Variants in SLC5A9 observed in about 807,000 individuals in gnomAD.
The protein encoded by SLC5A9 is sodium/glucose cotransporter 4.
SLC5A9 carries 59 observed loss-of-function variants against 70.9 expected under a neutral mutation model. The observed-to-expected ratio is 0.83, with a 90% CI of 0.68 to 1.03. The LOEUF is 1.03. Among genes scored for constraint, SLC5A9 ranks in the 50% least tolerant of loss-of-function variants. The probability of loss-of-function intolerance (pLI) is 0.00; values close to 1 mark genes in which losing one functional copy is unlikely to be tolerated. For missense variants in SLC5A9, 832 were observed against 881.1 expected, an observed-to-expected ratio of 0.94 and a Z score of 0.71; for synonymous variants, 340 against 346.5, an observed-to-expected ratio of 0.98 and a Z score of 0.21.
chr1:48,229,320 G>A lies in SLC5A9; in HGVS notation c.365G>A (p.Gly122Asp). 1.2e-6 allele frequency: 2 copies of A among 1,614,150 alleles called. No individual in the cohort carries two copies. The highest frequency in any genetic ancestry group is 2.2e-5 in the South Asian group (2 of 91,072). The change falls in exon 4 of 14, where the codon GGC (glycine) becomes GAC (aspartate). Residue 122 changes from glycine (G) to aspartate (D), a missense_variant. Physicochemically the swap from Gly to Asp is moderately conservative, Grantham distance 94 (BLOSUM62 -1). Coordinates refer to ENST00000438567, the MANE Select transcript of SLC5A9 (RefSeq NM_001011547.3). ...WNATWLLLAL[G>D]WVFVPVYIAA... Reference sequence around the variant, plus strand: ...GCAACCTGGCTGCTCCTGGCCCTTGGCTGGGTCTTCGTCCCTGTGTACATC... The same window carrying A: ...GCAACCTGGCTGCTCCTGGCCCTTGACTGGGTCTTCGTCCCTGTGTACATC...
In SLC5A9 at chr1:48,229,457, T is replaced by C. The variant is rs756129706; in HGVS notation, c.502T>C (p.Ser168Pro). 6.2e-7 allele frequency: 1 copy of C among 1,614,008 alleles called. No individual in the cohort carries two copies. Among genetic ancestry groups the C allele is most frequent in the Non-Finnish European group, 8.5e-7 (1 of 1,179,912 alleles). Residue 168 changes from serine to proline, a missense_variant and splice_region_variant, in exon 4 of 14, where the codon TCG becomes CCG. By Grantham distance (74) the Ser-to-Pro change is moderately conservative. Coordinates refer to ENST00000438567, the MANE Select transcript of SLC5A9 (RefSeq NM_001011547.3). ...SLILYIFTKI[S>P]TDIFSGALFI... ...CATCCTCTACATCTTCACCAAGATC[T>C]CGGTAGGTGTCACTGCAATGTGGTC...
intron 9 of SLC5A9, among the ~76,000 whole-genome samples, chr1:48,234,483 G>C (rs1644300071): frequency 6.6e-6 from 1 of 152,166 alleles, no homozygotes; most frequent in Non-Finnish European, 1.5e-5. Context: ...TCCATGGGGA[G>C]TTTGCAGTGG....
intron 7 of SLC5A9, 93 bp from the exon 8 acceptor site, chr1:48,232,274 A>T: frequency 1.9e-6 from 3 of 1,561,530 alleles, no homozygotes; most frequent in Non-Finnish European, 2.6e-6. Flanking sequence ...GGACTGGAGT[A>T]GGGACACAGT....
Position 48,237,847 on chromosome 1 carries a change from C to A in SLC5A9, c.1461C>A (p.Pro487=), listed in dbSNP as rs371690305. The A allele has an allele frequency of 1.2e-6, 2 of 1,613,964 alleles. No homozygotes were observed. The highest frequency in any genetic ancestry group is 1.7e-6 in the Non-Finnish European group (2 of 1,179,950). The change falls in exon 11 of 14, where the codon CCC becomes CCA. Residue 487 remains proline, a splice_region_variant and synonymous_variant. Coordinates refer to ENST00000438567, the MANE Select transcript of SLC5A9 (RefSeq NM_001011547.3). ...TCTTCTGCAAGAGGGTCACAGAGCC[C>A]GTGAGTGCAGTGTACCTGTCTCTCA... The part of the protein sequence containing the change: ...LAIFCKRVTE[P]GAFWGLVFGL...
At position 48,237,728 on chromosome 1, in the gene SLC5A9, ATCCAAAGC is replaced by A; in HGVS notation, c.1348_1355del (p.Ser450GlnfsTer105). 1 of 1,614,016 alleles carries A rather than the reference ATCCAAAGC, an allele frequency of 6.2e-7. No individual in the cohort carries two copies. Among genetic ancestry groups the A allele is most frequent in the Middle Eastern group, 1.6e-4 (1 of 6,062 alleles). On this transcript the variant is annotated frameshift_variant, in exon 11 of 14. Coordinates refer to ENST00000438567, the MANE Select transcript of SLC5A9 (RefSeq NM_001011547.3). LOFTEE classifies it high-confidence loss of function. ...CATCAGCATCCTCTGGATCCCCATC[ATCCAAAGC>A]TCCAACAGTGGGCAGCTCTTCGACT...
At chr1:48,237,937 C>T (rs2148582548) in intron 11 of SLC5A9, 90 bp downstream of exon 11, 1 of 1,361,376 alleles carries the variant, frequency 7.3e-7, no homozygotes, top group South Asian at 1.4e-5. Flanking sequence ...TTGAGAAAAT[C>T]CACTTCCCCT....
rs767603320 is a variant in SLC5A9 at position 48,232,465 on chromosome 1, C to T, written c.996C>T (p.Ile332=). The part of the protein sequence containing the change: ...GYLKILPMFF[I]VMPGMISRAL... Reference sequence around the variant, plus strand: ...TGAAGATCCTCCCCATGTTCTTCATCGTCATGCCTGGCATGATCAGCCGGG... The same window carrying T: ...TGAAGATCCTCCCCATGTTCTTCATTGTCATGCCTGGCATGATCAGCCGGG... The change falls in exon 8 of 14, where the codon ATC becomes ATT. Residue 332 remains isoleucine (I), a synonymous_variant. Coordinates refer to ENST00000438567, the MANE Select transcript of SLC5A9 (RefSeq NM_001011547.3). The T allele has an allele frequency of 2.5e-6, 4 of 1,614,184 alleles. No homozygotes were observed. The South Asian group carries it at 3.3e-5, about 13-fold the overall frequency.
At position 48,232,058 on chromosome 1, in the gene SLC5A9, C is replaced by T; in HGVS notation, c.804C>T (p.His268=). The change falls in exon 7 of 14, where the codon CAC becomes CAT. Residue 268 remains histidine (H), a synonymous_variant. Transcript: ENST00000438567. ...TCHLPRPDAF[H]ILRDPVSGDI... ...ACCTCCCACGGCCCGATGCTTTCCA[C>T]ATTCTTCGGGACCCTGTGAGCGGGG... The T allele has an allele frequency of 1.2e-6, 2 of 1,614,174 alleles. No individual in the cohort carries two copies. Among genetic ancestry groups the T allele is most frequent in the Middle Eastern group, 3.3e-4 (2 of 6,062 alleles).
At position 48,224,777 on chromosome 1, in the gene SLC5A9, G is replaced by A. The variant is rs376518317; in HGVS notation, c.216G>A (p.Arg72=). The change falls in exon 2 of 14, where the codon AGG becomes AGA. Residue 72 remains arginine, a synonymous_variant. Coordinates refer to ENST00000438567, the MANE Select transcript of SLC5A9 (RefSeq NM_001011547.3). ...GTIGGYFLAG[R]SMSWWPIGAS... is the part of the protein sequence containing the mutation. ...TTGGCGGCTATTTCCTGGCCGGGAG[G>A]TCCATGAGCTGGTGGCCAGTGAGTT... 6.2e-7 allele frequency: 1 copy of A among 1,614,058 alleles called. No homozygotes were observed. The highest frequency in any genetic ancestry group is 1.1e-5 in the South Asian group (1 of 91,088).
intron 6 of SLC5A9, 100 bp downstream of exon 6, chr1:48,231,725 G>T: frequency 1.3e-6 from 2 of 1,531,618 alleles, no homozygotes; most frequent in Non-Finnish European, 1.8e-6. Context: ...CCAGTGCATA[G>T]AGCCATGTGA....
At chr1:48,237,644 G>A (rs375953259) in intron 10 of SLC5A9, 35 bp from the exon 11 acceptor site, 70 of 1,606,486 alleles carry the variant, frequency 4.4e-5, no homozygotes, top group Non-Finnish European at 5.8e-5. Context: ...ATGCCCACCC[G>A]AGTGTGCCTC....
At chr1:48,233,239 T>G (rs1644278939) in intron 8 of SLC5A9, among the ~76,000 whole-genome samples, 1 of 151,310 alleles carries the variant, frequency 6.6e-6, no homozygotes, top group Non-Finnish European at 1.5e-5. Context: ...CACATGCCTG[T>G]AATCCCAGCT....
At chr1:48,229,570 A>G (rs998764538) in intron 4 of SLC5A9, 111 bp downstream of exon 4, 68 of 1,528,318 alleles carry the variant, frequency 4.4e-5, no homozygotes, top group Non-Finnish European at 1.6e-5. Context: ...ACTGTTGAAA[A>G]AAAGGAAAGC....
Position 48,232,369 on chromosome 1 carries a change from C to G in SLC5A9, c.900C>G (p.Val300=). The change falls in exon 8 of 14, where the codon GTC becomes GTG. Residue 300 remains valine (V), a splice_region_variant and synonymous_variant. Transcript: ENST00000438567. ...CTCCTCATTTGCTGCCCTTTCAGGT[C>G]ATTGTGCAGCGGTCTCTCTCGGCCA... The part of the protein sequence containing the change: ...LATWCWCTDQ[V]IVQRSLSAKS... 6.2e-7 allele frequency: 1 copy of G among 1,614,088 alleles called. No individual in the cohort carries two copies. The highest frequency in any genetic ancestry group is 8.5e-7 in the Non-Finnish European group (1 of 1,179,982).
At position 48,232,454 on chromosome 1, in the gene SLC5A9, A is replaced by C. The variant is rs1429691878; in HGVS notation, c.985A>C (p.Met329Leu). ...GGGGGGCTACCTGAAGATCCTCCCC[A>C]TGTTCTTCATCGTCATGCCTGGCAT... ...VLGGYLKILP[M>L]FFIVMPGMIS... Residue 329 changes from methionine (M) to leucine (L), a missense_variant, in exon 8 of 14, where the codon ATG becomes CTG. Transcript: ENST00000438567. 6.2e-7 allele frequency: 1 copy of C among 1,614,138 alleles called. No homozygotes were observed. Among genetic ancestry groups the C allele is most frequent in the East Asian group, 2.2e-5 (1 of 44,868 alleles).
At chr1:48,228,815 T>C (rs2148567704) in intron 2 of SLC5A9, 35 bp from the exon 3 acceptor site, 4 of 1,612,138 alleles carry the variant, frequency 2.5e-6, no homozygotes, top group Non-Finnish European at 2.5e-6. Flanking sequence ...AGATCACTCC[T>C]GACTCCTGAC....
intron 13 of SLC5A9, among the ~76,000 whole-genome samples, chr1:48,243,264 G>A (rs1328720085): frequency 6.6e-6 from 1 of 152,130 alleles, no homozygotes; most frequent in Non-Finnish European, 1.5e-5. Context: ...TGGGATGAGA[G>A]CAGCCATGCC....
At chr1:48,229,666 GCCCCTACACTCAAATAAA>G in intron 4 of SLC5A9, 1 of 646,528 alleles carries the variant, frequency 1.5e-6, no homozygotes. Context: ...GTGAATGACA[GCCCCTACACTCAAATAAA>G]TCACAATCCA....
intron 12 of SLC5A9, chr1:48,241,821 A>G: frequency 2.4e-6 from 1 of 414,054 alleles, no homozygotes; most frequent in South Asian, 1.8e-5. Context: ...GAAAGGCACC[A>G]CTACATGTCT....
Sources: allele counts gnomAD v4.1 joint callset (sites outside exome capture counted in the v4.1 genomes callset), GRCh38; gene constraint gnomAD v4.1.1; transcripts MANE v1.5; gene names NCBI Gene and HGNC (gene_info 2026-07-23, HGNC 2026-07-21).